The following SLC12A7 variants were observed in gnomAD, a reference collection of about 807,000 sequenced individuals.
The protein encoded by SLC12A7 is solute carrier family 12 member 7, also known as K-Cl cotransporter 4.
A neutral mutation model predicts 120.6 loss-of-function variants in SLC12A7; 100 were observed. That is an observed-to-expected ratio of 0.83 (90% CI 0.71 to 0.98). The LOEUF is 0.98. SLC12A7 is among the 50% of genes least tolerant of loss of function. The probability of loss-of-function intolerance (pLI) is 0.00; values close to 1 mark genes in which losing one functional copy is unlikely to be tolerated. For missense variants in SLC12A7, 1,373 were observed against 1,548.1 expected, an observed-to-expected ratio of 0.89 and a Z score of 1.90; for synonymous variants, 760 against 678.0, an observed-to-expected ratio of 1.12 and a Z score of -1.88.
intron 3 of SLC12A7, among the ~76,000 whole-genome samples, chr5:1,089,639 G>A (rs1207271816): frequency 1.3e-5 from 2 of 152,028 alleles, no homozygotes; most frequent in Admixed American, 1.3e-4. Context: ...CATCTTAACC[G>A]GGCACGGAGG....
chr5:1,100,451 G>A (rs954248238), intron 1 of SLC12A7, among the ~76,000 whole-genome samples: 1 of 152,182 alleles, frequency 6.6e-6, no homozygotes, highest in African/African-American at 2.4e-5. Context: ...CAGGTGCCCT[G>A]GGTTACTCCA....
At chr5:1,102,646 C>A (rs1742131465) in intron 1 of SLC12A7, among the ~76,000 whole-genome samples, 2 of 152,328 alleles carry the variant, frequency 1.3e-5, no homozygotes, top group South Asian at 4.1e-4. Context: ...CCTGTGCACA[C>A]AGAGAGGCGC....
chr5:1,050,511 G>A lies in SLC12A7; in HGVS notation c.*1849C>T, dbSNP rs1229401495. ...GGAGTTGACAACACAAAGGATGCCT[G>A]GTGCTTGCGTGCAGAGGCTGCAGCC... On this transcript the variant is annotated 3_prime_UTR_variant, in exon 24 of 24. Coordinates refer to ENST00000264930, the MANE Select transcript of SLC12A7 (RefSeq NM_006598.3). The A allele has an allele frequency of 4.2e-6, 1 of 239,298 alleles. No homozygotes were observed. Among genetic ancestry groups the A allele is most frequent in the Admixed American group, 5.6e-5 (1 of 17,734 alleles). 14.8% of individuals were successfully genotyped at this position (239,298 alleles called of 1,614,324 possible).
upstream of SLC12A7, among the ~76,000 whole-genome samples, chr5:1,112,294 C>T (rs1743087010): frequency 6.8e-6 from 1 of 145,990 alleles, no homozygotes; most frequent in Non-Finnish European, 1.5e-5. Context: ...TGCACCCCCT[C>T]CTGCTCCAGC....
intron 12 of SLC12A7, 81 bp downstream of exon 12, chr5:1,077,752 G>A (rs908867911): frequency 4.7e-5 from 64 of 1,370,414 alleles, no homozygotes; most frequent in Middle Eastern, 2.6e-4. Flanking sequence ...TCCCACACAC[G>A]GCACTGTGAG....
At chr5:1,081,818 C>G in intron 8 of SLC12A7, 74 bp from the exon 9 acceptor site, 1 of 1,537,116 alleles carries the variant, frequency 6.5e-7, no homozygotes, top group East Asian at 2.3e-5. Flanking sequence ...CCGCCCACTC[C>G]CCGGCAGGTG....
intron 12 of SLC12A7, 42 bp downstream of exon 12, chr5:1,077,791 C>A: frequency 6.6e-7 from 1 of 1,522,834 alleles, no homozygotes; most frequent in East Asian, 2.5e-5. Context: ...AGCCCCCGAC[C>A]CTGACCTTCC....
intron 3 of SLC12A7, among the ~76,000 whole-genome samples, chr5:1,089,697 C>T (rs1579402607): frequency 6.6e-6 from 1 of 152,204 alleles, no homozygotes. Context: ...TGGGGGCCAC[C>T]CCGCCTGCCC....
the SLC12A7 span, among the ~76,000 whole-genome samples, chr5:1,120,287 G>T: frequency 6.6e-6 from 1 of 152,330 alleles, no homozygotes; most frequent in East Asian, 1.9e-4. Context: ...CAGCTGGGTG[G>T]GCACCTGCCG....
At chr5:1,083,498 T>C (rs1739451626) in intron 8 of SLC12A7, among the ~76,000 whole-genome samples, 1 of 152,216 alleles carries the variant, frequency 6.6e-6, no homozygotes, top group Non-Finnish European at 1.5e-5. Context: ...AATAAATCCA[T>C]AGCATTAAGA....
At chr5:1,054,043 T>C (rs1735338877) in intron 22 of SLC12A7, among the ~76,000 whole-genome samples, 1 of 152,210 alleles carries the variant, frequency 6.6e-6, no homozygotes, top group African/African-American at 2.4e-5. Flanking sequence ...CACCGGCCTG[T>C]GCAGCCGTTG....
At position 1,088,301 on chromosome 5, in the gene SLC12A7, C is replaced by T. The variant is rs756911884; in HGVS notation, c.544+5G>A. ...TCAGGGCCGCGGCTGGCGGGCACCC[C>T]TTACCTGGGACCACACCGTTGGTAG... On this transcript the variant is annotated splice_donor_5th_base_variant and intron_variant, in intron 5 of 23. Coordinates refer to ENST00000264930, the MANE Select transcript of SLC12A7 (RefSeq NM_006598.3). The T allele has an allele frequency of 1.3e-6, 2 of 1,583,962 alleles. No homozygotes were observed. The highest frequency in any genetic ancestry group is 1.8e-5 in the Admixed American group (1 of 55,290).
At chr5:1,092,614 G>A (rs1012614276) in intron 3 of SLC12A7, among the ~76,000 whole-genome samples, 1 of 152,210 alleles carries the variant, frequency 6.6e-6, no homozygotes, top group Non-Finnish European at 1.5e-5. Flanking sequence ...GCCGAAGGAG[G>A]GGGGCACAGG....
intron 6 of SLC12A7, among the ~76,000 whole-genome samples, chr5:1,086,573 G>A (rs935822967): frequency 6.6e-6 from 1 of 152,202 alleles, no homozygotes; most frequent in Admixed American, 6.5e-5. Flanking sequence ...CTTCTAAGCC[G>A]AGTTCCAGCC....
At chr5:1,113,092 A>G (rs1743165553), upstream of SLC12A7, among the ~76,000 whole-genome samples, 1 of 152,102 alleles carries the variant, frequency 6.6e-6, no homozygotes, top group South Asian at 2.1e-4. Flanking sequence ...TCAACAAATG[A>G]CTCATGAAAA....
intron 18 of SLC12A7, among the ~76,000 whole-genome samples, chr5:1,064,856 C>CCGCGAGGGGACGGCGAGGAGAT (rs1736795987): frequency 1.3e-5 from 1 of 75,198 alleles, no homozygotes; most frequent in Non-Finnish European, 2.9e-5. Context: ...GGCGAGGAGA[C>CCGCGAGGGGACGGCGAGGAGAT]GGCGAGGGGA....
chr5:1,127,686 A>G, the SLC12A7 span, among the ~76,000 whole-genome samples: 1 of 152,222 alleles, frequency 6.6e-6, no homozygotes, highest in Non-Finnish European at 1.5e-5. Flanking sequence ...AAGAAACAGA[A>G]GCTCTGAATA....
the SLC12A7 span, among the ~76,000 whole-genome samples, chr5:1,120,040 A>C: frequency 6.6e-6 from 1 of 152,370 alleles, no homozygotes. Flanking sequence ...GCAGGGCCTG[A>C]CCAGGTCCCC....
At chr5:1,106,378 G>C (rs1173908101) in intron 1 of SLC12A7, among the ~76,000 whole-genome samples, 1 of 149,794 alleles carries the variant, frequency 6.7e-6, no homozygotes, top group Non-Finnish European at 1.5e-5. Context: ...GCTTGAACCT[G>C]GGAGGCAGAG....
Sources: gnomAD v4.1 joint callset for allele counts (sites outside exome capture counted in the v4.1 genomes callset) on GRCh38, gnomAD v4.1.1 for gene constraint, MANE v1.5 for transcripts, NCBI Gene and HGNC (gene_info 2026-07-23, HGNC 2026-07-21) for gene names.